Variants in UMODL1 observed in about 807,000 individuals in gnomAD.
UMODL1 encodes uromodulin-like 1.
In UMODL1, 128 loss-of-function variants were observed where a neutral mutation model predicts 136.3. That is an observed-to-expected ratio of 0.94 (90% CI 0.81 to 1.09). The LOEUF is 1.09. Among genes scored for constraint, UMODL1 ranks in the 50% least tolerant of loss-of-function variants. The pLI is 0.00. For synonymous variants in UMODL1, 721 were observed against 720.0 expected (o/e 1.00, Z -0.02); for missense variants, 1,766 against 1,725.6 (o/e 1.02, Z -0.41).
At chr21:42,086,442 G>C (rs2066427623) in intron 4 of UMODL1, 1 of 444,534 alleles carries the variant, frequency 2.2e-6, no homozygotes, top group African/African-American at 2.0e-5. Flanking sequence ...ATGTTGTTCT[G>C]GGCTGCTGGC....
At chr21:42,098,624 C>T (rs565804892) in intron 6 of UMODL1, among the ~76,000 whole-genome samples, 8 of 151,970 alleles carry the variant, frequency 5.3e-5, no homozygotes, top group South Asian at 2.1e-4. Context: ...AAAAATTAGC[C>T]GGGCGTGGTG....
chr21:42,077,454 G>T (rs1484440560), intron 2 of UMODL1, among the ~76,000 whole-genome samples: 1 of 151,602 alleles, frequency 6.6e-6, no homozygotes, highest in Non-Finnish European at 1.5e-5. Context: ...AGGAGTGGGG[G>T]TCTAGTTAAA....
intron 14 of UMODL1, among the ~76,000 whole-genome samples, chr21:42,118,503 C>T (rs769987728): frequency 5.3e-5 from 8 of 152,146 alleles, no homozygotes; most frequent in Admixed American, 3.3e-4. Flanking sequence ...AATCATATAG[C>T]GTGTGGTGTG....
At chr21:42,081,174 A>C (rs1348591348) in intron 2 of UMODL1, among the ~76,000 whole-genome samples, 1 of 152,186 alleles carries the variant, frequency 6.6e-6, no homozygotes, top group African/African-American at 2.4e-5. Context: ...GAGACTCCCC[A>C]AAACTTCCTG....
At chr21:42,090,521 C>T in intron 6 of UMODL1, 83 bp downstream of exon 6, 14 of 1,513,102 alleles carry the variant, frequency 9.3e-6, no homozygotes, top group Non-Finnish European at 1.3e-5. Flanking sequence ...GTGCTTACAG[C>T]TGCAGCATTC....
intron 11 of UMODL1, 51 bp downstream of exon 11, chr21:42,111,172 G>A (rs1387391923): frequency 3.5e-5 from 55 of 1,580,052 alleles, no homozygotes; most frequent in Non-Finnish European, 4.1e-5. Flanking sequence ...GCCCCAGCCA[G>A]GTGAACCCCA....
intron 14 of UMODL1, among the ~76,000 whole-genome samples, chr21:42,117,165 C>T (rs1192120157): frequency 6.6e-6 from 1 of 152,192 alleles, no homozygotes; most frequent in Non-Finnish European, 1.5e-5. Flanking sequence ...TAGATTTGCC[C>T]ATTGTGGACA....
chr21:42,107,214 G>T (rs2066733738), intron 9 of UMODL1, among the ~76,000 whole-genome samples: 1 of 152,180 alleles, frequency 6.6e-6, no homozygotes, highest in Non-Finnish European at 1.5e-5. Context: ...TAGAGTGAGG[G>T]TCATCACTGG....
chr21:42,140,390 T>A (rs1042882286), intron 22 of UMODL1, among the ~76,000 whole-genome samples: 5 of 141,844 alleles, frequency 3.5e-5, no homozygotes, highest in African/African-American at 7.7e-5. Context: ...GGAAGGGATG[T>A]GTCCCAGGTC....
At chr21:42,126,854 G>GC in intron 18 of UMODL1, 152 bp from the exon 19 acceptor site, 1 of 749,240 alleles carries the variant, frequency 1.3e-6, no homozygotes, top group Admixed American at 2.0e-5. Flanking sequence ...TGAATAAATG[G>GC]CCTCCAAGTG....
chr21:42,087,902 C>G (rs2066444244), intron 4 of UMODL1, among the ~76,000 whole-genome samples: 1 of 152,252 alleles, frequency 6.6e-6, no homozygotes, highest in Admixed American at 6.5e-5. Context: ...TGTCTTCCCC[C>G]ATTCATGTCT....
chr21:42,116,210 C>T (rs2066900730), intron 14 of UMODL1, among the ~76,000 whole-genome samples: 1 of 148,464 alleles, frequency 6.7e-6, no homozygotes, highest in Non-Finnish European at 1.5e-5. Context: ...AAAAATGAGC[C>T]TGTCATGGTG....
rs775745655 is a variant in UMODL1, at chr21:42,123,117, C to T, written c.3114C>T (p.Ala1038=). The T allele has an allele frequency of 2.4e-5, 38 of 1,613,624 alleles. No homozygotes were observed. The highest frequency in any genetic ancestry group is 1.6e-4 in the Middle Eastern group (1 of 6,084). ...HSNGTHVLLE[A]GWSECGTLMQ... ...ATGGCACACACGTGCTCCTGGAGGC[C>T]GGCTGGAGCGAGTGTGGGACCCTCA... Residue 1038 remains alanine, a synonymous_variant, in exon 17 of 23, where the codon GCC becomes GCT. Transcript: ENST00000408910. The surrounding 1 kb of genome is among the most constrained non-coding windows in gnomAD (Gnocchi z 4.4).
chr21:42,128,686 C>G (rs1268825316), intron 20 of UMODL1, among the ~76,000 whole-genome samples: 2 of 152,250 alleles, frequency 1.3e-5, no homozygotes, highest in African/African-American at 4.8e-5. Context: ...GAGCCTGCCC[C>G]TGGTTCCACT....
At chr21:42,096,986 G>A (rs901951751) in intron 6 of UMODL1, among the ~76,000 whole-genome samples, 4 of 152,316 alleles carry the variant, frequency 2.6e-5, no homozygotes, top group African/African-American at 9.6e-5. Flanking sequence ...TGAGTGGGGG[G>A]TCTTTTTGAT....
chr21:42,068,095 G>C (rs2066198060), upstream of UMODL1, among the ~76,000 whole-genome samples: 1 of 152,190 alleles, frequency 6.6e-6, no homozygotes, highest in African/African-American at 2.4e-5. This position sits in a 1 kb window ranked among gnomAD's most constrained non-coding sequence, Gnocchi z 5.5. Flanking sequence ...TCCAGTGTGA[G>C]GGTGGACCAG....
intron 2 of UMODL1, among the ~76,000 whole-genome samples, chr21:42,082,715 C>T (rs552023786): frequency 1.3e-5 from 2 of 152,306 alleles, no homozygotes; most frequent in East Asian, 3.9e-4. Context: ...TGCCCTGGGC[C>T]CACCTCTGCC....
intron 6 of UMODL1, among the ~76,000 whole-genome samples, chr21:42,092,059 C>A (rs1428573278): frequency 6.6e-6 from 1 of 152,176 alleles, no homozygotes; most frequent in Non-Finnish European, 1.5e-5. Flanking sequence ...AGCTGGCCGG[C>A]AAGCAGGGAG....
In UMODL1 at chr21:42,111,550, T is replaced by A; in HGVS notation, c.1944T>A (p.Pro648=). 1 of 1,614,066 alleles carries A rather than the reference T, an allele frequency of 6.2e-7. No homozygotes were observed. Among genetic ancestry groups the A allele is most frequent in the Non-Finnish European group, 8.5e-7 (1 of 1,179,954 alleles). Residue 648 remains proline, a synonymous_variant, in exon 12 of 23, where the codon CCT becomes CCA. Coordinates refer to ENST00000408910, the MANE Select transcript of UMODL1 (RefSeq NM_001004416.3). ...TGGAGCCACCCTCCTGGCCTTCCCC[T>A]ACTGAGGACCCCACCGGCCACTTCC... ...SIMEPPSWPS[P]TEDPTGHFLW...
Sources: allele counts gnomAD v4.1 joint callset (sites outside exome capture counted in the v4.1 genomes callset), GRCh38; gene constraint gnomAD v4.1.1; non-coding constraint Gnocchi (gnomAD v3.1); transcripts MANE v1.5; gene names NCBI Gene and HGNC (gene_info 2026-07-23, HGNC 2026-07-21).